RPL7L1: variants seen among roughly 807,000 people sequenced by gnomAD.
RPL7L1 encodes ribosomal protein L7 like 1.
In RPL7L1, 20 loss-of-function variants were observed where a neutral mutation model predicts 30.3. That is an observed-to-expected ratio of 0.66 (90% CI 0.46 to 0.96). RPL7L1 has a LOEUF of 0.96. Ranked by LOEUF, RPL7L1 falls within the 40% of genes least tolerant of loss-of-function variation. RPL7L1 has a pLI of 0.00. For missense variants in RPL7L1, 271 were observed against 314.9 expected, an observed-to-expected ratio of 0.86 and a Z score of 1.05; for synonymous variants, 107 against 110.1, an observed-to-expected ratio of 0.97 and a Z score of 0.18.
chr6:42,883,693 T>C, intron 3 of RPL7L1, 79 bp downstream of exon 3: 1 of 1,226,350 alleles, frequency 8.2e-7, no homozygotes, highest in Non-Finnish European at 1.1e-6. Context: ...TCTAGGGAGA[T>C]AATATGCCCC....
rs962380996 is a variant in RPL7L1 at position 42,887,545 on chromosome 6, T to C, written c.*1081T>C. 2.0e-5 allele frequency: 3 copies of C among 151,964 alleles called. No homozygotes were observed. Among genetic ancestry groups the C allele is most frequent in the Non-Finnish European group, 4.4e-5 (3 of 68,044 alleles). The allele number at this position is 151,964 out of a possible 1,614,324, so 9.4% of individuals were successfully genotyped here. A position where few individuals can be genotyped will look rare whatever the true frequency, so the allele number is the denominator to read the frequency against. On this transcript the variant is annotated 3_prime_UTR_variant, in exon 6 of 6. Coordinates refer to ENST00000493763, the MANE Select transcript of RPL7L1 (RefSeq NM_001366481.3). Reference sequence around the variant, plus strand: ...TTGCAGTGAGCTGAGATCACGCCATTGCACTCCAGCCTGGGCAACAAGCGA... The same window carrying C: ...TTGCAGTGAGCTGAGATCACGCCATCGCACTCCAGCCTGGGCAACAAGCGA...
At chr6:42,880,798 C>A in intron 1 of RPL7L1, 63 bp from the exon 2 acceptor site, 1 of 914,350 alleles carries the variant, frequency 1.1e-6, no homozygotes, top group Non-Finnish European at 1.7e-6. Flanking sequence ...CAGGCTTGAG[C>A]CACCGAGCCC....
intron 4 of RPL7L1, 94 bp downstream of exon 4, chr6:42,884,844 A>G: frequency 7.9e-7 from 1 of 1,266,396 alleles, no homozygotes; most frequent in Non-Finnish European, 1.1e-6. Flanking sequence ...ATGTTGCTGT[A>G]GAAGGGACAT....
chr6:42,884,779 A>C, intron 4 of RPL7L1, 29 bp downstream of exon 4: 3 of 1,602,868 alleles, frequency 1.9e-6, no homozygotes, highest in Non-Finnish European at 2.6e-6. Context: ...GTGAATTCAC[A>C]TTAGATTTCT....
At chr6:42,883,702 C>A in intron 3 of RPL7L1, 88 bp downstream of exon 3, 3 of 1,095,890 alleles carry the variant, frequency 2.7e-6, no homozygotes, top group South Asian at 1.7e-5. Flanking sequence ...ATAATATGCC[C>A]CAAGCCACTC....
chr6:42,883,405 A>G, intron 2 of RPL7L1, 46 bp from the exon 3 acceptor site: 1 of 1,475,138 alleles, frequency 6.8e-7, no homozygotes, highest in Non-Finnish European at 9.1e-7. Context: ...AAAAGTAAAA[A>G]TGTATGGAGG....
At position 42,879,957 on chromosome 6, in the gene RPL7L1, T is replaced by G; in HGVS notation, c.41+6T>G. On this transcript the variant is annotated splice_donor_region_variant and intron_variant, in intron 1 of 5. Coordinates refer to ENST00000493763, the MANE Select transcript of RPL7L1 (RefSeq NM_001366481.3). ...AGAAAGATGGCGGAGCAAGAGTGAG[T>G]GTTTGGGGCTTTGAATATCTGGAGT... 6.2e-7 allele frequency: 1 copy of G among 1,613,760 alleles called. No homozygotes were observed. The highest frequency in any genetic ancestry group is 8.5e-7 in the Non-Finnish European group (1 of 1,179,866).
chr6:42,886,163 CT>C, intron 5 of RPL7L1, 80 bp downstream of exon 5: 1 of 1,407,754 alleles, frequency 7.1e-7, no homozygotes, highest in Non-Finnish European at 1.0e-6. Flanking sequence ...AGGTTGTATT[CT>C]TCTTGGGGCC....
At chr6:42,885,737 T>C in intron 4 of RPL7L1, 1 of 432,506 alleles carries the variant, frequency 2.3e-6, no homozygotes, top group Admixed American at 3.4e-5. Context: ...TTGGCAATAT[T>C]TTCCCTGGTG....
chr6:42,885,965 C>T lies in RPL7L1; in HGVS notation c.450-9C>T. 6.5e-7 allele frequency: 1 copy of T among 1,539,214 alleles called. No individual in the cohort carries two copies. Among genetic ancestry groups the T allele is most frequent in the Non-Finnish European group, 9.0e-7 (1 of 1,113,612 alleles). The stretch of plus-strand genomic sequence containing the variant: ...GCTGGTGAAAACCGTGCTTTATTTT[C>T]CTACATAGATTTCCAAATCTGAAGT... On this transcript the variant is annotated splice_polypyrimidine_tract_variant and intron_variant, in intron 4 of 5. Coordinates refer to ENST00000493763, the MANE Select transcript of RPL7L1 (RefSeq NM_001366481.3).
chr6:42,880,819 T>A, intron 1 of RPL7L1, 42 bp from the exon 2 acceptor site: 1 of 1,204,364 alleles, frequency 8.3e-7, no homozygotes. Context: ...GGCCAAGTGT[T>A]CTTTTCTAAA....
chr6:42,885,355 G>A (rs570462089), intron 4 of RPL7L1, among the ~76,000 whole-genome samples: 3 of 147,596 alleles, frequency 2.0e-5, no homozygotes, highest in African/African-American at 7.6e-5. Flanking sequence ...GGCCAGACAC[G>A]GTGGATCACG....
At chr6:42,886,132 T>C (rs1766256767) in intron 5 of RPL7L1, 49 bp downstream of exon 5, 1 of 1,404,890 alleles carries the variant, frequency 7.1e-7, no homozygotes, top group South Asian at 1.2e-5. Context: ...CCAGGGTCTT[T>C]GAAGCTTTGA....
chr6:42,882,611 A>T (rs1766120717), intron 2 of RPL7L1: 1 of 137,660 alleles, frequency 7.3e-6, no homozygotes, highest in African/African-American at 3.0e-5. Flanking sequence ...AAAAAAAAAA[A>T]TAAGTGGGGT....
chr6:42,885,089 G>T (rs1384879922), intron 4 of RPL7L1, among the ~76,000 whole-genome samples: 1 of 152,178 alleles, frequency 6.6e-6, no homozygotes, highest in Non-Finnish European at 1.5e-5. Context: ...CAACACTTTG[G>T]GAGGCCGAGG....
At position 42,880,847 on chromosome 6, in the gene RPL7L1, A is replaced by G. The variant is rs767155897; in HGVS notation, c.42-14A>G. ...TTTCTAAATGTTATCTCTGATCTCA[A>G]TTTTCTGCATCAGGCAAAGAAAAAT... On this transcript the variant is annotated splice_polypyrimidine_tract_variant and intron_variant, in intron 1 of 5. Coordinates refer to ENST00000493763, the MANE Select transcript of RPL7L1 (RefSeq NM_001366481.3). The G allele has an allele frequency of 5.4e-6, 8 of 1,479,420 alleles. No individual in the cohort carries two copies. Among genetic ancestry groups the G allele is most frequent in the South Asian group, 1.1e-5 (1 of 87,956 alleles). The allele number at this position is 1,479,420 out of a possible 1,614,324, so 91.6% of individuals were successfully genotyped here. A position where few individuals can be genotyped will look rare whatever the true frequency, so the allele number is the denominator to read the frequency against.
chr6:42,884,558 T>C (rs978816547), intron 3 of RPL7L1, 55 bp from the exon 4 acceptor site: 18 of 1,564,292 alleles, frequency 1.2e-5, no homozygotes, highest in Admixed American at 1.7e-5. Flanking sequence ...TTGTGCTTGC[T>C]GGACTGACAT....
rs57689508 is a variant in RPL7L1, at chr6:42,882,592, C to CA, written c.148-840dup. On this transcript the variant is annotated intron_variant, in intron 2 of 5. Coordinates refer to ENST00000493763, the MANE Select transcript of RPL7L1 (RefSeq NM_001366481.3). ...TGAGTGACAGAGCAAAACCCTGTCT[C>CA]AAAAAAAAAAAAAAAAAAATAAGTG... 8.7e-3 allele frequency: 911 copies of CA among 104,742 alleles called. 5 individuals carry two copies. The highest frequency in any genetic ancestry group is 0.019 in the East Asian group (58 of 3,062). The allele number at this position is 104,742 out of a possible 1,614,324, so 6.5% of individuals were successfully genotyped here.
Position 42,879,627 on chromosome 6 carries a change from C to A in RPL7L1, c.-284C>A, listed in dbSNP as rs1316912730. On this transcript the variant is annotated 5_prime_UTR_variant, in exon 1 of 6. Transcript: ENST00000493763. ...GGAAGTGCGGCGCCGTAGCTAGGAG[C>A]GGACGCCATAGGTGCATTGTGGGAA... The A allele has an allele frequency of 1.3e-5, 4 of 302,308 alleles. No individual in the cohort carries two copies. The highest frequency in any genetic ancestry group is 8.4e-5 in the African/African-American group (4 of 47,448). 18.7% of individuals were successfully genotyped at this position (302,308 alleles called of 1,614,324 possible). A position where few individuals can be genotyped will look rare whatever the true frequency, so the allele number is the denominator to read the frequency against.
Sources: allele counts gnomAD v4.1 joint callset (sites outside exome capture counted in the v4.1 genomes callset), GRCh38; gene constraint gnomAD v4.1.1; transcripts MANE v1.5; gene names NCBI Gene and HGNC (gene_info 2026-07-23, HGNC 2026-07-21).